Variants in PCMT1 observed in about 807,000 individuals in gnomAD.
PCMT1 encodes protein-L-isoaspartate (D-aspartate) O-methyltransferase.
In PCMT1, 9 loss-of-function variants were observed where a neutral mutation model predicts 29.2. The ratio of observed to expected loss-of-function variants is 0.31; its 90% CI spans 0.19 to 0.54. The LOEUF (loss-of-function observed/expected upper bound fraction) is 0.54, where lower values mean the gene tolerates loss of function less well. Ranked by LOEUF, PCMT1 falls within the 20% of genes least tolerant of loss-of-function variation. The pLI is 0.95. For missense variants in PCMT1, 184 were observed against 282.2 expected (o/e 0.65, Z 2.49); for synonymous variants, 98 against 97.5 (o/e 1.00, Z -0.03).
intron 3 of PCMT1, among the ~76,000 whole-genome samples, chr6:149,774,009 A>G (rs192655041): frequency 2.6e-5 from 4 of 151,876 alleles, no homozygotes; most frequent in African/African-American, 9.7e-5. Context: ...TATTTTTGAG[A>G]CAACTTCTTA....
chr6:149,781,222 A>T (rs1787801658), intron 3 of PCMT1, among the ~76,000 whole-genome samples: 5 of 120,424 alleles, frequency 4.2e-5, no homozygotes, highest in South Asian at 5.2e-4. Flanking sequence ...TTTTTAGATA[A>T]TTAAAACTTT....
intron 4 of PCMT1, among the ~76,000 whole-genome samples, chr6:149,790,910 G>A (rs1483256511): frequency 6.6e-6 from 1 of 152,110 alleles, no homozygotes; most frequent in Non-Finnish European, 1.5e-5. Flanking sequence ...AGGAGGCTGA[G>A]GCAGGAAAAT....
intron 3 of PCMT1, among the ~76,000 whole-genome samples, chr6:149,776,390 T>C (rs111228049): frequency 0.023 from 3,465 of 150,210 alleles, 121 homozygotes; most frequent in African/African-American, 0.08. Flanking sequence ...TAGCTGGGAT[T>C]ACAGGTGTGC....
intron 3 of PCMT1, among the ~76,000 whole-genome samples, chr6:149,782,140 C>T (rs1226867038): frequency 2.6e-5 from 4 of 152,072 alleles, no homozygotes; most frequent in African/African-American, 9.7e-5. Context: ...ACTTGTGTAT[C>T]TATGTATGTA....
chr6:149,761,485 C>T (rs1786738970), intron 1 of PCMT1, among the ~76,000 whole-genome samples: 1 of 152,046 alleles, frequency 6.6e-6, no homozygotes, highest in Non-Finnish European at 1.5e-5. Flanking sequence ...CTTCATATCT[C>T]TAAATCATAT....
At chr6:149,795,386 G>T in intron 5 of PCMT1, 2 of 406,506 alleles carry the variant, frequency 4.9e-6, no homozygotes, top group South Asian at 2.2e-5. Flanking sequence ...TAAGATATCT[G>T]GGGAGATGGT....
At chr6:149,777,540 G>T (rs1787620034) in intron 3 of PCMT1, among the ~76,000 whole-genome samples, 1 of 152,116 alleles carries the variant, frequency 6.6e-6, no homozygotes, top group African/African-American at 2.4e-5. Context: ...GGTTTTTTGG[G>T]TGGGAAAAAT....
At chr6:149,753,306 C>G (rs1786397875) in intron 1 of PCMT1, among the ~76,000 whole-genome samples, 1 of 151,052 alleles carries the variant, frequency 6.6e-6, no homozygotes, top group Non-Finnish European at 1.5e-5. Context: ...GGCCTGCTTA[C>G]TAGAAGGGGA....
At chr6:149,795,646 A>T (rs1175526995) in intron 5 of PCMT1, 3 of 442,786 alleles carry the variant, frequency 6.8e-6, no homozygotes, top group African/African-American at 2.1e-5. Flanking sequence ...CTGGATTACT[A>T]TAAAATAGGA....
chr6:149,765,311 G>A (rs568763801), intron 1 of PCMT1, among the ~76,000 whole-genome samples: 33 of 140,892 alleles, frequency 2.3e-4, no homozygotes, highest in Non-Finnish European at 4.2e-4. Flanking sequence ...AGTGAGCCAA[G>A]ATCGTGCCAC....
At chr6:149,779,766 C>T (rs544614069) in intron 3 of PCMT1, among the ~76,000 whole-genome samples, 1 of 151,554 alleles carries the variant, frequency 6.6e-6, no homozygotes, top group Non-Finnish European at 1.5e-5. Flanking sequence ...GAGCCAAGAT[C>T]GCACCACTTC....
chr6:149,770,947 C>A (rs1051177068), intron 1 of PCMT1, among the ~76,000 whole-genome samples: 1 of 151,618 alleles, frequency 6.6e-6, no homozygotes, highest in Admixed American at 6.6e-5. Flanking sequence ...TGCAGTGAGC[C>A]GAGATTGCGC....
chr6:149,784,255 A>C (rs1228649953), intron 3 of PCMT1, among the ~76,000 whole-genome samples: 1 of 152,190 alleles, frequency 6.6e-6, no homozygotes, highest in African/African-American at 2.4e-5. Flanking sequence ...TCCATATATA[A>C]GTTGGGGGAA....
At chr6:149,770,979 A>G (rs553360734) in intron 1 of PCMT1, among the ~76,000 whole-genome samples, 183 bp from the exon 2 acceptor site, 32 of 152,016 alleles carry the variant, frequency 2.1e-4, no homozygotes, top group Non-Finnish European at 4.1e-4. Flanking sequence ...AGCCTGGGCG[A>G]CAGAGCGAGA....
chr6:149,802,300 G>T lies in PCMT1; in HGVS notation c.605G>T (p.Ser202Ile). ...CAGTATGACAAGCTACAAGATGGCAGCATCAAAATGAAGCCTCTGATGGGG... is the reference window on the plus strand; with the variant it reads ...CAGTATGACAAGCTACAAGATGGCATCATCAAAATGAAGCCTCTGATGGGG... ...LEQYDKLQDGSIKMKPLMGVI... is the reference protein window; with the variant it reads ...LEQYDKLQDGIIKMKPLMGVI... The change falls in exon 7 of 8, where the codon AGC becomes ATC. Residue 202 changes from serine to isoleucine, a missense_variant. Physicochemically the swap from Ser to Ile is moderately radical, Grantham distance 142. Coordinates refer to ENST00000464889, the MANE Select transcript of PCMT1 (RefSeq NM_001360452.2). The T allele has an allele frequency of 1.2e-6, 2 of 1,613,714 alleles. No individual in the cohort carries two copies.
intron 3 of PCMT1, among the ~76,000 whole-genome samples, chr6:149,776,762 C>A (rs1056015519): frequency 6.6e-6 from 1 of 152,098 alleles, no homozygotes; most frequent in Non-Finnish European, 1.5e-5. Context: ...TAATGAGGTA[C>A]CAGTTTTCAC....
chr6:149,750,053 C>CAGGCA, intron 1 of PCMT1, 97 bp downstream of exon 1: 1 of 1,445,320 alleles, frequency 6.9e-7, no homozygotes, highest in Non-Finnish European at 9.2e-7. Flanking sequence ...TGTCCCCGCG[C>CAGGCA]GCCTGTTGGA....
intron 1 of PCMT1, among the ~76,000 whole-genome samples, chr6:149,755,115 G>GTT (rs1352155128): frequency 1.3e-5 from 2 of 151,914 alleles, no homozygotes; most frequent in African/African-American, 4.8e-5. Context: ...CCTGTTATAA[G>GTT]TTAAGGAAGG....
chr6:149,777,860 C>T (rs1787638405), intron 3 of PCMT1, among the ~76,000 whole-genome samples: 1 of 141,012 alleles, frequency 7.1e-6, no homozygotes, highest in African/African-American at 2.6e-5. Flanking sequence ...TTCCTTCCTT[C>T]TTTCCTTCTT....
Sources: gnomAD v4.1 joint callset for allele counts (sites outside exome capture counted in the v4.1 genomes callset) on GRCh38, gnomAD v4.1.1 for gene constraint, MANE v1.5 for transcripts, NCBI Gene and HGNC (gene_info 2026-07-23, HGNC 2026-07-21) for gene names.